Variants in PREX2 observed in about 807,000 individuals in gnomAD.
PREX2 encodes the protein phosphatidylinositol-3,4,5-trisphosphate dependent Rac exchange factor 2.
In PREX2, 107 loss-of-function variants were observed where a neutral mutation model predicts 203.2. That is an observed-to-expected ratio of 0.53 (90% CI 0.45 to 0.62). The LOEUF (loss-of-function observed/expected upper bound fraction) is 0.62, where lower values mean the gene tolerates loss of function less well. PREX2 is among the 20% of genes least tolerant of loss of function. The probability of loss-of-function intolerance (pLI) is 0.00; values close to 1 mark genes in which losing one functional copy is unlikely to be tolerated. For missense variants in PREX2, 1,777 were observed against 1,955.9 expected, an observed-to-expected ratio of 0.91 and a Z score of 1.72; for synonymous variants, 672 against 663.6, an observed-to-expected ratio of 1.01 and a Z score of -0.19.
intron 1 of PREX2, among the ~76,000 whole-genome samples, chr8:67,968,971 G>GT (rs948272729): frequency 6.6e-6 from 1 of 152,180 alleles, no homozygotes; most frequent in Non-Finnish European, 1.5e-5. Flanking sequence ...CTTGAACTCT[G>GT]TAACAGAATT....
chr8:68,032,504 G>A (rs970889782), intron 6 of PREX2, among the ~76,000 whole-genome samples: 1 of 152,160 alleles, frequency 6.6e-6, no homozygotes, highest in African/African-American at 2.4e-5. Context: ...TTGGAGCAGG[G>A]CCCAGTCAGT....
In PREX2 at chr8:67,975,694, CTTTTTTTTTTT is replaced by C. The variant is rs67614434; in HGVS notation, c.141+23176_141+23186del. On this transcript the variant is annotated intron_variant, in intron 1 of 39. Transcript: ENST00000288368. Reference sequence around the variant, plus strand: ...TCAGGATAGTAACTGATTTCTCTTTCTTTTTTTTTTTTTTTTTTTTTTTTTTTGAGATGGAG... The same window carrying C: ...TCAGGATAGTAACTGATTTCTCTTTCTTTTTTTTTTTTTTTTGAGATGGAG... Among the ~76,000 whole-genome samples the C allele has an allele frequency of 5.6e-4, 42 of 75,016 alleles. 3 individuals carry two copies. Among genetic ancestry groups the C allele is most frequent in the African/African-American group, 5.9e-4 (10 of 16,860 alleles). 49.2% of individuals were successfully genotyped at this position (75,016 alleles called of 152,430 possible). A position where few individuals can be genotyped will look rare whatever the true frequency, so the allele number is the denominator to read the frequency against.
At chr8:68,009,393 A>G (rs10109326) in intron 1 of PREX2, among the ~76,000 whole-genome samples, 66,210 of 152,096 alleles carry the variant, frequency 0.44, 17,735 homozygotes, top group African/African-American at 0.76. Flanking sequence ...TCTGATATCA[A>G]CGTAAATTCC....
At chr8:68,126,783 C>A (rs1810898907) in intron 30 of PREX2, among the ~76,000 whole-genome samples, 1 of 152,002 alleles carries the variant, frequency 6.6e-6, no homozygotes, top group Admixed American at 6.6e-5. Flanking sequence ...GTATGAAATT[C>A]ATACACATTT....
chr8:68,024,417 A>G (rs1195564061), intron 4 of PREX2, among the ~76,000 whole-genome samples: 24 of 151,938 alleles, frequency 1.6e-4, no homozygotes, highest in Admixed American at 1.6e-3. Context: ...ATCATCATGA[A>G]ATGGTCTTCT....
intron 1 of PREX2, among the ~76,000 whole-genome samples, chr8:67,989,571 A>G (rs1481130037): frequency 1.3e-5 from 2 of 152,216 alleles, no homozygotes; most frequent in Admixed American, 6.5e-5. Flanking sequence ...GTGTTTTTTA[A>G]TAATGTTTCT....
intron 1 of PREX2, chr8:67,952,836 C>G (rs915741423): frequency 3.1e-5 from 15 of 490,066 alleles, no homozygotes; most frequent in Non-Finnish European, 1.1e-5. Flanking sequence ...TCTTCCCTCA[C>G]TTTTCTTTTA....
chr8:68,058,811 C>A (rs181228619), intron 10 of PREX2, among the ~76,000 whole-genome samples: 1 of 152,164 alleles, frequency 6.6e-6, no homozygotes, highest in Non-Finnish European at 1.5e-5. Context: ...AACTCATGGT[C>A]ATGCACGTAG....
intron 23 of PREX2, chr8:68,106,180 A>T: frequency 2.6e-6 from 1 of 379,694 alleles, no homozygotes; most frequent in East Asian, 7.2e-5. Flanking sequence ...ATAACTTCCT[A>T]TTATGGTGGA....
At chr8:67,978,341 C>T (rs983085757) in intron 1 of PREX2, among the ~76,000 whole-genome samples, 5 of 152,174 alleles carry the variant, frequency 3.3e-5, no homozygotes, top group African/African-American at 1.2e-4. Flanking sequence ...ATATTGCCAG[C>T]ACCTCAAAAG....
chr8:68,151,478 A>G (rs1020464183), intron 34 of PREX2, among the ~76,000 whole-genome samples: 2 of 152,118 alleles, frequency 1.3e-5, no homozygotes, highest in Non-Finnish European at 2.9e-5. Context: ...GGACTTTGTC[A>G]TCTCTTTTTG....
chr8:68,115,669 A>C, intron 25 of PREX2, 84 bp from the exon 26 acceptor site: 1 of 834,632 alleles, frequency 1.2e-6, no homozygotes, highest in Non-Finnish European at 1.8e-6. Context: ...AAATATTTGT[A>C]AGCCTATTGT....
intron 35 of PREX2, among the ~76,000 whole-genome samples, chr8:68,160,942 A>G (rs2129613995): frequency 6.6e-6 from 1 of 152,272 alleles, no homozygotes; most frequent in African/African-American, 2.4e-5. Context: ...ACCAAGTTCT[A>G]CCTTTGCATC....
intron 8 of PREX2, among the ~76,000 whole-genome samples, chr8:68,049,701 T>G (rs1489970036): frequency 6.6e-6 from 1 of 152,170 alleles, no homozygotes; most frequent in Non-Finnish European, 1.5e-5. Flanking sequence ...ATTAACATTT[T>G]AGATCCATTG....
Position 68,071,024 on chromosome 8 carries a change from T to G in PREX2, c.1493+1140T>G, listed in dbSNP as rs564037058. On this transcript the variant is annotated intron_variant, in intron 13 of 39. Coordinates refer to ENST00000288368, the MANE Select transcript of PREX2 (RefSeq NM_024870.4). Reference sequence around the variant, plus strand: ...CTTGATATTAAGTACTTAATAGCAATTGGGTACTTAAATATTCTTTTCTGC... The same window carrying G: ...CTTGATATTAAGTACTTAATAGCAAGTGGGTACTTAAATATTCTTTTCTGC... 8.6e-4 allele frequency among the ~76,000 whole-genome samples: 131 copies of G among 152,306 alleles called. No individual in the cohort carries two copies. The Middle Eastern group carries it at 0.01, about 12-fold the overall frequency.
chr8:68,067,357 G>A, intron 11 of PREX2, among the ~76,000 whole-genome samples: 1 of 151,864 alleles, frequency 6.6e-6, no homozygotes, highest in Non-Finnish European at 1.5e-5. Context: ...CATGAACATG[G>A]GATTTCTTAC....
At chr8:67,952,630 G>C (rs1805385903) in intron 1 of PREX2, 95 bp downstream of exon 1, 3 of 1,511,218 alleles carry the variant, frequency 2.0e-6, no homozygotes, top group Non-Finnish European at 2.7e-6. Context: ...TTGTCTGTGC[G>C]GGGACCCGGG....
At chr8:68,156,083 CAG>C (rs144930320) in intron 34 of PREX2, among the ~76,000 whole-genome samples, 6,948 of 152,118 alleles carry the variant, frequency 0.046, 524 homozygotes, top group African/African-American at 0.16. Flanking sequence ...TTTTAGAAGA[CAG>C]AGTCTTACTC....
chr8:68,128,657 G>T (rs1245709391), intron 31 of PREX2, among the ~76,000 whole-genome samples: 4 of 152,156 alleles, frequency 2.6e-5, no homozygotes, highest in African/African-American at 9.7e-5. Flanking sequence ...TCACATGGTG[G>T]ATTTGCAGGG....
Sources: gnomAD v4.1 joint callset for allele counts (sites outside exome capture counted in the v4.1 genomes callset) on GRCh38, gnomAD v4.1.1 for gene constraint, MANE v1.5 for transcripts, NCBI Gene and HGNC (gene_info 2026-07-23, HGNC 2026-07-21) for gene names.